CYP1A1: variants seen among roughly 807,000 people sequenced by gnomAD.
CYP1A1 encodes cytochrome P450 1A1.
Under a neutral mutation model 33.6 loss-of-function variants are expected in CYP1A1, and 43 were observed. The ratio of observed to expected loss-of-function variants is 1.28; its 90% CI spans 1.00 to 1.65. The LOEUF is 1.65. Among genes scored for constraint, CYP1A1 ranks in the 40% most tolerant of loss-of-function variants. The pLI is 0.00. For synonymous variants in CYP1A1, 280 were observed against 257.8 expected (o/e 1.09, Z -0.83); for missense variants, 637 against 653.7 (o/e 0.97, Z 0.28).
At position 74,721,706 on chromosome 15, in the gene CYP1A1, C is replaced by T; in HGVS notation, c.837G>A (p.Arg279=). The T allele has an allele frequency of 6.2e-7, 1 of 1,613,934 alleles. No individual in the cohort carries two copies. Among genetic ancestry groups the T allele is most frequent in the Non-Finnish European group, 8.5e-7 (1 of 1,179,970 alleles). ...HYKTFEKGHI[R]DITDSLIEHC... ...GCTCAATCAGGCTGTCTGTGATGTC[C>T]CGGATGTGGCCCTTAGGTAGGGAAA... The change falls in exon 3 of 7, where the codon CGG becomes CGA. Residue 279 remains arginine (R), a synonymous_variant. Transcript: ENST00000379727.
In CYP1A1 at chr15:74,722,314, T is replaced by C. The variant is rs757497550; in HGVS notation, c.784A>G (p.Met262Val). The C allele has an allele frequency of 6.2e-6, 10 of 1,613,864 alleles. No individual in the cohort carries two copies. Among genetic ancestry groups the C allele is most frequent in the African/African-American group, 1.3e-5 (1 of 74,996 alleles). Residue 262 changes from methionine to valine, a missense_variant, in exon 2 of 7, where the codon ATG (methionine) becomes GTG (valine). Transcript: ENST00000379727. ...TAGTGCTCCTTGACCATCTTCTGCA[T>C]GAAGCTGTAGAACTTCTCATTCAGG... ...KDLNEKFYSF[M>V]QKMVKEHYKT...
At chr15:74,722,081 T>C (rs1238955795) in intron 2 of CYP1A1, 192 bp downstream of exon 2, 1 of 610,182 alleles carries the variant, frequency 1.6e-6, no homozygotes, top group Non-Finnish European at 2.9e-6. Flanking sequence ...TGTGGAAGCA[T>C]GGAAGGGTTA....
At position 74,721,512 on chromosome 15, in the gene CYP1A1, G is replaced by T. The variant is rs749380664; in HGVS notation, c.953-9C>A. On this transcript the variant is annotated splice_polypyrimidine_tract_variant and intron_variant, in intron 3 of 6. Coordinates refer to ENST00000379727, the MANE Select transcript of CYP1A1 (RefSeq NM_001319217.2). ...TGTGACTGTGTCAAACCCTGGACAG[G>T]GTAGAACAGAAGAAGTTAGGCAGGC... 3.1e-6 allele frequency: 5 copies of T among 1,614,052 alleles called. No individual in the cohort carries two copies. In the East Asian group the frequency reaches 8.9e-5, roughly 29 times the overall value.
At position 74,722,686 on chromosome 15, in the gene CYP1A1, C is replaced by T. The variant is rs1429298968; in HGVS notation, c.412G>A (p.Ala138Thr). 2 of 1,613,652 alleles carry T rather than the reference C, an allele frequency of 1.2e-6. No homozygotes were observed. The highest frequency in any genetic ancestry group is 3.3e-5 in the Admixed American group (2 of 60,002). The change falls in exon 2 of 7, where the codon GCC becomes ACC. Residue 138 changes from alanine (A) to threonine (T), a missense_variant. By Grantham distance (58) the Ala-to-Thr change is moderately conservative. Transcript: ENST00000379727. ...GPVWAARRRL[A>T]QNGLKSFSIA... ...GAGAAACTTTTCAGGCCATTCTGGGCCAGGCGCCGGCGGGCAGCCCACACT... is the reference window on the plus strand; with the variant it reads ...GAGAAACTTTTCAGGCCATTCTGGGTCAGGCGCCGGCGGGCAGCCCACACT...
chr15:74,721,558 G>A (rs1312024166), intron 3 of CYP1A1, 33 bp downstream of exon 3: 5 of 1,614,064 alleles, frequency 3.1e-6, no homozygotes, highest in Non-Finnish European at 4.2e-6. Flanking sequence ...CAGGGCACTT[G>A]AGCACAGGAA....
At position 74,720,637 on chromosome 15, in the gene CYP1A1, C is replaced by T. The variant is rs1014488188; in HGVS notation, c.1391G>A (p.Arg464His). 14 of 1,614,160 alleles carry T rather than the reference C, an allele frequency of 8.7e-6. No homozygotes were observed. The highest frequency in any genetic ancestry group is 1.7e-4 in the Middle Eastern group (1 of 6,060). ...AGCCAGGAAGAGAAAGACCTCCCAGCGGGCAATGGTCTCACCGATACACTT... is the reference window on the plus strand; with the variant it reads ...AGCCAGGAAGAGAAAGACCTCCCAGTGGGCAATGGTCTCACCGATACACTT... Reference protein sequence around the residue: ...KRKCIGETIARWEVFLFLAIL... With the variant: ...KRKCIGETIAHWEVFLFLAIL... Residue 464 changes from arginine (R) to histidine (H), a missense_variant, in exon 7 of 7, where the codon CGC (arginine) becomes CAC (histidine). Coordinates refer to ENST00000379727, the MANE Select transcript of CYP1A1 (RefSeq NM_001319217.2).
Position 74,721,416 on chromosome 15 carries a change from A to G in CYP1A1, c.1040T>C (p.Leu347Pro), listed in dbSNP as rs1372013152. 1.9e-6 allele frequency: 3 copies of G among 1,614,142 alleles called. No homozygotes were observed. The South Asian group carries it at 3.3e-5, about 18-fold the overall frequency. Reference sequence around the variant, plus strand: ...CTTTGAAGGGAGCCACTACCTACCTAGCTCCTCTTGGATCTTTCTCTGTAC... The same window carrying G: ...CTTTGAAGGGAGCCACTACCTACCTGGCTCCTCTTGGATCTTTCTCTGTAC... ...PRVQRKIQEELDTVIGRSRRP... is the reference protein window; with the variant it reads ...PRVQRKIQEEPDTVIGRSRRP... The change falls in exon 4 of 7, where the codon CTA becomes CCA. Residue 347 changes from leucine to proline, a missense_variant and splice_region_variant. Coordinates refer to ENST00000379727, the MANE Select transcript of CYP1A1 (RefSeq NM_001319217.2).
chr15:74,722,234 C>A, intron 2 of CYP1A1, 39 bp downstream of exon 2: 1 of 1,556,220 alleles, frequency 6.4e-7, no homozygotes, highest in Non-Finnish European at 8.8e-7. Flanking sequence ...CTGATGCCAT[C>A]TGCTTCCCAC....
rs1368310331 is a variant in CYP1A1, at chr15:74,723,032, T to C, written c.66A>G (p.Val22=). 6 of 1,612,060 alleles carry C rather than the reference T, an allele frequency of 3.7e-6. No individual in the cohort carries two copies. The highest frequency in any genetic ancestry group is 1.3e-5 in the African/African-American group (1 of 74,762). ...GTCTTGAGGCCCTGATTACCCAGAA[T>C]ACCAGACAGAAGATGACAGAGGCCA... is the stretch of plus-strand genomic sequence containing the variant. ...FLLASVIFCL[V]FWVIRASRPQ... Residue 22 remains valine, a synonymous_variant, in exon 2 of 7, where the codon GTA becomes GTG. Transcript: ENST00000379727.
intron 2 of CYP1A1, 77 bp downstream of exon 2, chr15:74,722,196 G>T: frequency 1.6e-6 from 2 of 1,252,884 alleles, no homozygotes; most frequent in Non-Finnish European, 2.3e-6. Context: ...GCCCCATGCA[G>T]TTCCTCTTAC....
rs2063182511 is a variant in CYP1A1 at position 74,722,739 on chromosome 15, C to T, written c.359G>A (p.Ser120Asn). The T allele has an allele frequency of 2.5e-6, 4 of 1,613,438 alleles. No individual in the cohort carries two copies. The highest frequency in any genetic ancestry group is 3.4e-6 in the Non-Finnish European group (4 of 1,180,044). Residue 120 changes from serine to asparagine, a missense_variant, in exon 2 of 7, where the codon AGC becomes AAC. Coordinates refer to ENST00000379727, the MANE Select transcript of CYP1A1 (RefSeq NM_001319217.2). Reference sequence around the variant, plus strand: ...TCCAGAGTCTGGGCTGAAGGACATGCTCTGACCATTACTGATGAGGGTGAA... The same window carrying T: ...TCCAGAGTCTGGGCTGAAGGACATGTTCTGACCATTACTGATGAGGGTGAA... ...YTFTLISNGQ[S>N]MSFSPDSGPV...
At chr15:74,723,611 AT>A (rs1170215511) in intron 1 of CYP1A1, among the ~76,000 whole-genome samples, 3 of 152,048 alleles carry the variant, frequency 2.0e-5, no homozygotes, top group African/African-American at 7.3e-5. Flanking sequence ...TACAAGTTTG[AT>A]TTTTCCCCTA....
chr15:74,720,877 G>A, intron 6 of CYP1A1, 90 bp downstream of exon 6: 1 of 1,561,492 alleles, frequency 6.4e-7, no homozygotes, highest in South Asian at 1.2e-5. Context: ...AGCAGCCCAT[G>A]GACAGGAGGA....
Position 74,720,271 on chromosome 15 carries a change from C to G in CYP1A1, c.*218G>C, listed in dbSNP as rs762293224. 9 of 454,170 alleles carry G rather than the reference C, an allele frequency of 2.0e-5. No homozygotes were observed. The highest frequency in any genetic ancestry group is 4.0e-5 in the Admixed American group (1 of 25,152). The allele number at this position is 454,170 out of a possible 1,614,324, so 28.1% of individuals were successfully genotyped here. On this transcript the variant is annotated 3_prime_UTR_variant, in exon 7 of 7. Transcript: ENST00000379727. The stretch of plus-strand genomic sequence containing the variant: ...AGGCTCCATCAGCATCTATGTGGCC[C>G]TGTTTTACCTGTTGTCTCTGGAGGG...
chr15:74,722,081 T>A, intron 2 of CYP1A1, 192 bp downstream of exon 2: 1 of 610,300 alleles, frequency 1.6e-6, no homozygotes, highest in Non-Finnish European at 2.9e-6. Context: ...TGTGGAAGCA[T>A]GGAAGGGTTA....
In CYP1A1 at chr15:74,722,854, G is replaced by A. The variant is rs537005466; in HGVS notation, c.244C>T (p.Pro82Ser). 6.2e-7 allele frequency: 1 copy of A among 1,614,124 alleles called. No homozygotes were observed. The highest frequency in any genetic ancestry group is 1.1e-5 in the South Asian group (1 of 91,082). The change falls in exon 2 of 7, where the codon CCC (proline) becomes TCC (serine). Residue 82 changes from proline (P) to serine (S), a missense_variant. Physicochemically the swap from Pro to Ser is moderately conservative, Grantham distance 74. Coordinates refer to ENST00000379727, the MANE Select transcript of CYP1A1 (RefSeq NM_001319217.2). ...TCCAGGCCGCTCAGCACCACCACGG[G>A]TGTGGAGCCAATTCGGATCTGCAGC... ...DVLQIRIGST[P>S]VVVLSGLDTI...
intron 2 of CYP1A1, chr15:74,721,950 A>G: frequency 1.7e-6 from 1 of 604,514 alleles, no homozygotes; most frequent in East Asian, 2.8e-5. Context: ...TATCATCTGG[A>G]TGTGCTCTTT....
intron 2 of CYP1A1, chr15:74,721,934 T>C (rs1302735749): frequency 1.6e-6 from 1 of 617,402 alleles, no homozygotes; most frequent in Non-Finnish European, 2.8e-6. Flanking sequence ...CAGCGTCTTG[T>C]ACTGTTATCA....
chr15:74,720,799 A>T (rs1387084698), intron 6 of CYP1A1, 25 bp from the exon 7 acceptor site: 1 of 1,595,654 alleles, frequency 6.3e-7, no homozygotes, highest in South Asian at 1.1e-5. Flanking sequence ...AGACAGCTGA[A>T]GTGGCAGTTC....
Sources: allele counts gnomAD v4.1 joint callset (sites outside exome capture counted in the v4.1 genomes callset), GRCh38; gene constraint gnomAD v4.1.1; transcripts MANE v1.5; gene names NCBI Gene and HGNC (gene_info 2026-07-23, HGNC 2026-07-21).